The following DMD variants were observed in gnomAD, a reference collection of about 807,000 sequenced individuals.
DMD encodes dystrophin, also known as mutant dystrophin.
Under a neutral mutation model 330.1 loss-of-function variants are expected in DMD, and 63 were observed. The observed-to-expected ratio is 0.19, with a 90% CI of 0.16 to 0.24. The LOEUF (loss-of-function observed/expected upper bound fraction) is 0.24, where lower values mean the gene tolerates loss of function less well. Ranked by LOEUF, DMD falls within the 10% of genes least tolerant of loss-of-function variation. The probability of loss-of-function intolerance (pLI) is 1.00; values close to 1 mark genes in which losing one functional copy is unlikely to be tolerated. For synonymous variants in DMD, 1,223 were observed against 959.8 expected (o/e 1.27, Z -5.07); for missense variants, 3,344 against 2,684.1 (o/e 1.25, Z -5.43).
intron 2 of DMD, among the ~76,000 whole-genome samples, chrX:33,010,222 A>G (rs1406528686): frequency 1.9e-5 from 2 of 106,795 alleles, no homozygotes; most frequent in African/African-American, 7.0e-5. Context: ...ATATGTACAT[A>G]TGTGTGTATA....
chrX:31,473,796 C>T (rs1025648770), intron 59 of DMD, among the ~76,000 whole-genome samples: 1 of 110,380 alleles, frequency 9.1e-6, no homozygotes, highest in African/African-American at 3.3e-5. Context: ...TGTATCCAGA[C>T]TACAGGTTTA....
intron 1 of DMD, among the ~76,000 whole-genome samples, chrX:33,124,486 A>AC (rs1569555856): frequency 2.2e-3 from 215 of 96,263 alleles, no homozygotes; most frequent in African/African-American, 9.5e-3. Flanking sequence ...GAAAAAAAAA[A>AC]AAAAAAAAAA....
chrX:32,029,706 T>C (rs2095870758), intron 44 of DMD, among the ~76,000 whole-genome samples: 1 of 112,062 alleles, frequency 8.9e-6, no homozygotes, highest in Admixed American at 9.5e-5. Context: ...TGGATGAATC[T>C]TCCTCATAAC....
chrX:31,514,515 C>A (rs767227807), intron 55 of DMD, among the ~76,000 whole-genome samples: 31 of 112,017 alleles, frequency 2.8e-4, no homozygotes, highest in African/African-American at 1.0e-3. Context: ...TTTGACCCTT[C>A]TCTTCTCTTT....
intron 51 of DMD, among the ~76,000 whole-genome samples, chrX:31,743,913 C>A (rs1485474725): frequency 9.1e-6 from 1 of 109,960 alleles, no homozygotes; most frequent in African/African-American, 3.3e-5. Context: ...CTGGAGGGCA[C>A]TGGAGTGAAC....
intron 19 of DMD, among the ~76,000 whole-genome samples, chrX:32,494,340 T>C (rs1002469129): frequency 1.4e-4 from 16 of 111,409 alleles, no homozygotes; most frequent in Non-Finnish European, 2.6e-4. Context: ...TATAACTGAA[T>C]GCAGGCAATG....
At chrX:32,794,250 A>G (rs190016651) in intron 7 of DMD, among the ~76,000 whole-genome samples, 125 of 112,124 alleles carry the variant, frequency 1.1e-3, no homozygotes, top group African/African-American at 4.0e-3. Context: ...ACAAATCTAC[A>G]AGTAGTATCA....
chrX:31,621,498 A>G (rs1411879361), intron 55 of DMD, among the ~76,000 whole-genome samples: 1 of 103,413 alleles, frequency 9.7e-6, no homozygotes, highest in Non-Finnish European at 2.0e-5. Context: ...AAAAGTCCAG[A>G]GTCTGAAAAA....
chrX:32,943,712 G>A (rs766417221), intron 2 of DMD, among the ~76,000 whole-genome samples: 151 of 111,755 alleles, frequency 1.4e-3, no homozygotes, highest in African/African-American at 4.3e-3. Flanking sequence ...GTGTAAGCAC[G>A]CTTTCTCTTG....
At chrX:32,369,984 G>A (rs1174841458) in intron 34 of DMD, among the ~76,000 whole-genome samples, 1 of 111,155 alleles carries the variant, frequency 9.0e-6, no homozygotes, top group Admixed American at 9.6e-5. Context: ...AAGGCATCTT[G>A]AGAAGTCCCC....
chrX:31,543,258 C>T (rs1045035488), intron 55 of DMD, among the ~76,000 whole-genome samples: 13 of 111,597 alleles, frequency 1.2e-4, no homozygotes, highest in Admixed American at 9.5e-4. Flanking sequence ...GCAACCTCCG[C>T]CTCCCGGCTT....
chrX:32,529,241 T>C (rs966602428), intron 17 of DMD, among the ~76,000 whole-genome samples: 1 of 108,687 alleles, frequency 9.2e-6, no homozygotes, highest in African/African-American at 3.4e-5. Flanking sequence ...ATGTATTTCT[T>C]AAATGTACTT....
chrX:33,231,885 G>A (rs1417766547), intron 1 of DMD, among the ~76,000 whole-genome samples: 2 of 111,567 alleles, frequency 1.8e-5, no homozygotes, highest in Non-Finnish European at 3.8e-5. Flanking sequence ...TCTGTCTTAT[G>A]TTTATGCCTT....
At chrX:31,969,897 T>C (rs769748586) in intron 44 of DMD, among the ~76,000 whole-genome samples, 8 of 111,426 alleles carry the variant, frequency 7.2e-5, no homozygotes, top group African/African-American at 2.6e-4. Flanking sequence ...AGTAAACATG[T>C]GATATTTCCT....
chrX:33,173,261 C>T (rs1017200260), intron 1 of DMD, among the ~76,000 whole-genome samples: 3 of 111,240 alleles, frequency 2.7e-5, no homozygotes, highest in African/African-American at 9.8e-5. Context: ...AGTATAGATT[C>T]TGTGTTTACA....
In DMD at chrX:31,891,307, G is replaced by A. The variant is rs776577781; in HGVS notation, c.6913-15934C>T. ...AGAGAAGAGAGCAAAGAAAAAAAGAGAATATGGATATAAATTTGAAAAAGA... is the reference window on the plus strand; with the variant it reads ...AGAGAAGAGAGCAAAGAAAAAAAGAAAATATGGATATAAATTTGAAAAAGA... On this transcript the variant is annotated intron_variant, in intron 47 of 78. Coordinates refer to ENST00000357033, the MANE Select transcript of DMD (RefSeq NM_004006.3). Among the ~76,000 whole-genome samples the A allele has an allele frequency of 1.3e-4, 15 of 111,418 alleles. No individual in the cohort carries two copies. In the South Asian group the frequency reaches 1.9e-3, roughly 14 times the overall value.
chrX:31,828,743 T>C lies in DMD; in HGVS notation c.7200+7975A>G, dbSNP rs188853336. 1.7e-4 allele frequency among the ~76,000 whole-genome samples: 19 copies of C among 109,151 alleles called. No individual in the cohort carries two copies. In the East Asian group the frequency reaches 4.6e-3, roughly 26 times the overall value. 94.8% of individuals were successfully genotyped at this position (109,151 alleles called of 115,157 possible). ...GGTTGAATATCAGTAATTTAAAAAT[T>C]GCCAAAAAAAAGTCCAGGACCAGAT... On this transcript the variant is annotated intron_variant, in intron 49 of 78. Transcript: ENST00000357033.
chrX:32,737,887 C>A (rs1005475192), intron 7 of DMD, among the ~76,000 whole-genome samples: 1 of 111,137 alleles, frequency 9.0e-6, no homozygotes, highest in Non-Finnish European at 1.9e-5. Flanking sequence ...TTTGCCCTCA[C>A]AAAAAATAAA....
chrX:31,928,895 A>T (rs1053298566), intron 47 of DMD, among the ~76,000 whole-genome samples: 4 of 111,767 alleles, frequency 3.6e-5, no homozygotes, highest in African/African-American at 9.7e-5. Flanking sequence ...AGGATACAGA[A>T]TCCAGAAGCA....
Sources: allele counts gnomAD v4.1 joint callset (sites outside exome capture counted in the v4.1 genomes callset), GRCh38; gene constraint gnomAD v4.1.1; transcripts MANE v1.5; gene names NCBI Gene and HGNC (gene_info 2026-07-23, HGNC 2026-07-21).